Variants in XKR6 observed in about 807,000 individuals in gnomAD.
XKR6 encodes XK-related protein 6.
XKR6 carries 22 observed loss-of-function variants against 56.7 expected under a neutral mutation model. The observed-to-expected ratio is 0.39, with a 90% confidence interval of 0.28 to 0.55. The LOEUF is 0.55. XKR6 is among the 20% of genes least tolerant of loss of function. XKR6 has a pLI of 0.66. For synonymous variants in XKR6, 524 were observed against 387.8 expected (o/e 1.35, Z -4.13); for missense variants, 852 against 889.0 (o/e 0.96, Z 0.53).
At chr8:11,186,972 A>G (rs1803307677) in intron 1 of XKR6, among the ~76,000 whole-genome samples, 1 of 152,232 alleles carries the variant, frequency 6.6e-6, no homozygotes, top group African/African-American at 2.4e-5. Flanking sequence ...AAAAAGAAAG[A>G]GAAAAAAACC....
Position 11,097,483 on chromosome 8 carries a change from TAAA to T in XKR6, c.764+103090_764+103092del, listed in dbSNP as rs35577450. 3.9e-3 allele frequency among the ~76,000 whole-genome samples: 338 copies of T among 85,748 alleles called. 1 individual carries two copies. The highest frequency in any genetic ancestry group is 5.0e-3 in the African/African-American group (152 of 30,158). The allele number at this position is 85,748 out of a possible 152,430, so 56.3% of individuals were successfully genotyped here. A position where few individuals can be genotyped will look rare whatever the true frequency, so the allele number is the denominator to read the frequency against. The stretch of plus-strand genomic sequence containing the variant: ...CAGGGCAATATTTTCTTTTTTTTTT[TAAA>T]AAAAAAAAGGCAATAAATATTGGTT... On this transcript the variant is annotated intron_variant, in intron 1 of 2. Coordinates refer to ENST00000416569, the MANE Select transcript of XKR6 (RefSeq NM_173683.4).
chr8:10,929,055 T>C (rs951480683), intron 1 of XKR6, among the ~76,000 whole-genome samples: 3 of 152,166 alleles, frequency 2.0e-5, no homozygotes, highest in Non-Finnish European at 2.9e-5. Context: ...TCACCTCCCA[T>C]GGCTGGGCCC....
chr8:11,200,618 C>G lies in XKR6; in HGVS notation c.722G>C (p.Trp241Ser), dbSNP rs1357927280. The change falls in exon 1 of 3, where the codon TGG becomes TCG. Residue 241 changes from tryptophan (W) to serine (S), a missense_variant. Transcript: ENST00000416569. The surrounding 1 kb of genome is among the most constrained non-coding windows in gnomAD (Gnocchi z 6.4). ...QRLCRLSVWI[W>S]QSVIHLLQMG... is the part of the protein sequence containing the mutation. ...CTGCAGCAGGTGGATGACCGACTGC[C>G]AGATCCACACGGAGAGGCGACACAG... 6.5e-7 allele frequency: 1 copy of G among 1,547,480 alleles called. No individual in the cohort carries two copies. The highest frequency in any genetic ancestry group is 8.6e-7 in the Non-Finnish European group (1 of 1,157,874).
At chr8:11,063,395 G>A (rs1799894729) in intron 1 of XKR6, among the ~76,000 whole-genome samples, 1 of 151,818 alleles carries the variant, frequency 6.6e-6, no homozygotes, top group Admixed American at 6.6e-5. Context: ...CTACTTGGGA[G>A]GCTGAGGTGG....
At chr8:11,136,985 AAATAG>A (rs767633574) in intron 1 of XKR6, 20 of 152,288 alleles carry the variant, frequency 1.3e-4, no homozygotes, top group Non-Finnish European at 1.8e-4. Context: ...GGTAAATATG[AAATAG>A]AATAGTAGTG....
chr8:10,911,282 G>A (rs990472834), intron 2 of XKR6, among the ~76,000 whole-genome samples: 67 of 148,930 alleles, frequency 4.5e-4, no homozygotes, highest in African/African-American at 1.5e-3. Context: ...TATAGAGAGA[G>A]GGTGAGATTG....
intron 1 of XKR6, among the ~76,000 whole-genome samples, chr8:11,010,330 G>C (rs1798471748): frequency 6.6e-6 from 1 of 152,108 alleles, no homozygotes; most frequent in African/African-American, 2.4e-5. Flanking sequence ...ATGAGAATTG[G>C]GCAGGAACAC....
chr8:11,190,090 G>A (rs975929130), intron 1 of XKR6, among the ~76,000 whole-genome samples: 8 of 152,030 alleles, frequency 5.3e-5, no homozygotes, highest in African/African-American at 1.9e-4. Context: ...TCAGGAGGCA[G>A]AGGTTGCAGT....
At chr8:11,145,914 G>T (rs1313311035) in intron 1 of XKR6, among the ~76,000 whole-genome samples, 1 of 152,094 alleles carries the variant, frequency 6.6e-6, no homozygotes, top group Non-Finnish European at 1.5e-5. Context: ...GAAGAATAAC[G>T]TTTGAGGACT....
chr8:10,958,901 C>T (rs892177276), intron 1 of XKR6, among the ~76,000 whole-genome samples: 1 of 152,224 alleles, frequency 6.6e-6, no homozygotes, highest in Non-Finnish European at 1.5e-5. Flanking sequence ...AGCAGCAAGG[C>T]CTGGATGCTT....
At chr8:11,095,634 A>C (rs1355616399) in intron 1 of XKR6, among the ~76,000 whole-genome samples, 4 of 152,214 alleles carry the variant, frequency 2.6e-5, no homozygotes, top group Admixed American at 2.6e-4. Flanking sequence ...AATAAATCTA[A>C]TGAGTAACTC....
rs1473777428 is a variant in XKR6, at chr8:10,908,248, C to T, written c.962-9332G>A. On this transcript the variant is annotated intron_variant, in intron 2 of 2. Transcript: ENST00000416569. ...ACGAGCATGAAGGAAATCGAAAATG[C>T]TCAAGGCCACTGGAACTGTGTAGGT... Among the ~76,000 whole-genome samples the T allele has an allele frequency of 2.6e-5, 4 of 152,186 alleles. No individual in the cohort carries two copies. In the East Asian group the frequency reaches 7.7e-4, roughly 29 times the overall value.
chr8:10,999,021 A>G (rs1798180018), intron 1 of XKR6, among the ~76,000 whole-genome samples: 1 of 152,222 alleles, frequency 6.6e-6, no homozygotes, highest in Admixed American at 6.5e-5. Context: ...GTCAACATAA[A>G]GGACCAAGTA....
intron 1 of XKR6, among the ~76,000 whole-genome samples, chr8:11,047,636 G>T (rs367834396): frequency 6.6e-6 from 1 of 152,206 alleles, no homozygotes; most frequent in African/African-American, 2.4e-5. Flanking sequence ...GGCATGAGGA[G>T]TTGTTGTTTG....
At chr8:10,975,685 A>T (rs548706060) in intron 1 of XKR6, among the ~76,000 whole-genome samples, 1 of 151,498 alleles carries the variant, frequency 6.6e-6, no homozygotes, top group Non-Finnish European at 1.5e-5. Context: ...GCCCCATTAC[A>T]GCAGCACTGG....
rs562763027 is a variant in XKR6 at position 11,060,462 on chromosome 8, G to C, written c.765-135632C>G. Among the ~76,000 whole-genome samples, 6 of 152,252 alleles carry C rather than the reference G, an allele frequency of 3.9e-5. No individual in the cohort carries two copies. In the East Asian group the frequency reaches 1.2e-3, roughly 29 times the overall value. ...ATGGCGCCACCCGCCGGGAACTAGG[G>C]GTGCTCCCTGTACTCCCAGGGGGAC... On this transcript the variant is annotated intron_variant, in intron 1 of 2. Transcript: ENST00000416569.
intron 1 of XKR6, among the ~76,000 whole-genome samples, chr8:11,072,763 A>G (rs1800165197): frequency 6.6e-6 from 1 of 152,226 alleles, no homozygotes; most frequent in African/African-American, 2.4e-5. Context: ...TTGCCCCCAC[A>G]TGCTAGGCCA....
intron 1 of XKR6, among the ~76,000 whole-genome samples, chr8:11,140,838 T>A (rs1212980258): frequency 7.1e-6 from 1 of 141,258 alleles, no homozygotes; most frequent in African/African-American, 2.7e-5. Flanking sequence ...GAAGAGCTTG[T>A]AGTGAGCCGA....
chr8:11,131,438 T>A (rs767992768), intron 1 of XKR6, among the ~76,000 whole-genome samples: 4 of 152,178 alleles, frequency 2.6e-5, no homozygotes, highest in Non-Finnish European at 5.9e-5. Flanking sequence ...TTATTTATGA[T>A]GTTAAAGAAG....
Sources: gnomAD v4.1 joint callset for allele counts (sites outside exome capture counted in the v4.1 genomes callset) on GRCh38, gnomAD v4.1.1 for gene constraint, Gnocchi (gnomAD v3.1) non-coding constraint, MANE v1.5 for transcripts, NCBI Gene and HGNC (gene_info 2026-07-23, HGNC 2026-07-21) for gene names.